The following ASAP1 variants were observed in gnomAD, a reference collection of about 807,000 sequenced individuals.
The protein encoded by ASAP1 is ArfGAP with SH3 domain, ankyrin repeat and PH domain 1.
ASAP1 carries 43 observed loss-of-function variants against 145.2 expected under a neutral mutation model. The observed-to-expected ratio is 0.30, with a 90% CI of 0.23 to 0.38. ASAP1 has a LOEUF of 0.38. Ranked by LOEUF, ASAP1 falls within the 10% of genes least tolerant of loss-of-function variation. The pLI, the probability that ASAP1 is intolerant of heterozygous loss-of-function variation, is 1.00. For synonymous variants in ASAP1, 546 were observed against 515.5 expected, an observed-to-expected ratio of 1.06 and a Z score of -0.80; for missense variants, 1,018 against 1,355.3, an observed-to-expected ratio of 0.75 and a Z score of 3.91.
chr8:130,415,710 C>A (rs1227219298), intron 1 of ASAP1, among the ~76,000 whole-genome samples: 1 of 151,816 alleles, frequency 6.6e-6, no homozygotes, highest in East Asian at 1.9e-4. Flanking sequence ...ATTGCTTGAA[C>A]CCAGGAGGCG....
At chr8:130,253,213 C>T (rs1271597122) in intron 3 of ASAP1, among the ~76,000 whole-genome samples, 1 of 152,184 alleles carries the variant, frequency 6.6e-6, no homozygotes, top group Non-Finnish European at 1.5e-5. Flanking sequence ...ATCCTAGCTC[C>T]ACTACTTACA....
At chr8:130,136,881 A>C in intron 14 of ASAP1, 70 bp downstream of exon 14, 2 of 1,315,550 alleles carry the variant, frequency 1.5e-6, no homozygotes, top group Non-Finnish European at 2.2e-6. Flanking sequence ...AAAGCTGCTG[A>C]CCTGGAGAAT....
chr8:130,345,465 G>C (rs1388534113), intron 3 of ASAP1, among the ~76,000 whole-genome samples: 1 of 152,164 alleles, frequency 6.6e-6, no homozygotes. Context: ...CTCTGTATGT[G>C]TGTTTGTTTC....
chr8:130,378,152 T>A (rs192513316), intron 2 of ASAP1, among the ~76,000 whole-genome samples: 1 of 152,356 alleles, frequency 6.6e-6, no homozygotes, highest in Admixed American at 6.5e-5. Flanking sequence ...CAGTTTGCAC[T>A]TTTGAAATAT....
chr8:130,251,025 T>C (rs1408419378), intron 3 of ASAP1, among the ~76,000 whole-genome samples: 1 of 152,188 alleles, frequency 6.6e-6, no homozygotes. Context: ...ATAAAGTAAA[T>C]AATTAAATAA....
intron 5 of ASAP1, chr8:130,195,265 G>C (rs1815402210): frequency 1.3e-5 from 2 of 151,726 alleles, no homozygotes; most frequent in Non-Finnish European, 2.9e-5. Context: ...ACGAGGAATG[G>C]TGGCTCATGC....
intron 5 of ASAP1, among the ~76,000 whole-genome samples, chr8:130,199,671 T>C (rs1815741766): frequency 1.3e-5 from 2 of 152,168 alleles, no homozygotes; most frequent in African/African-American, 4.8e-5. Context: ...TAAAAAGACC[T>C]CTAAGGTACC....
At chr8:130,179,501 A>C in intron 8 of ASAP1, 152 bp from the exon 9 acceptor site, 1 of 536,788 alleles carries the variant, frequency 1.9e-6, no homozygotes, top group Non-Finnish European at 3.4e-6. Context: ...TTTCGCAGTC[A>C]CAAAGTGTTC....
intron 4 of ASAP1, among the ~76,000 whole-genome samples, chr8:130,218,772 TA>T (rs1227776822): frequency 6.6e-6 from 1 of 152,082 alleles, no homozygotes; most frequent in Admixed American, 6.5e-5. Flanking sequence ...GGCAGAAGAC[TA>T]GATAAGTATA....
At chr8:130,376,903 CAAAAAAA>C (rs34006260) in intron 2 of ASAP1, among the ~76,000 whole-genome samples, 24 of 26,020 alleles carry the variant, frequency 9.2e-4, no homozygotes, top group South Asian at 2.1e-3. Context: ...AACTCCATCT[CAAAAAAA>C]AAAAAAAAAA....
chr8:130,141,534 T>C (rs1335835878), intron 13 of ASAP1, among the ~76,000 whole-genome samples: 2 of 152,138 alleles, frequency 1.3e-5, no homozygotes, highest in African/African-American at 4.8e-5. Context: ...CCTTATTTGC[T>C]TCCTGTCTTC....
rs138858386 is a variant in ASAP1 at position 130,278,378 on chromosome 8, G to GAA, written c.187-41386_187-41385dup. Among the ~76,000 whole-genome samples the GAA allele has an allele frequency of 3.0e-4, 44 of 145,534 alleles. 1 individual carries two copies. The highest frequency in any genetic ancestry group is 2.8e-3 in the Admixed American group (41 of 14,630). On this transcript the variant is annotated intron_variant, in intron 3 of 29. Coordinates refer to ENST00000518721, the MANE Select transcript of ASAP1 (RefSeq NM_018482.4). ...TAAGTCCACCACTCCTGTGCTAAATGAAAAAAAAAAGAAAAAGAAAATATG... is the reference window on the plus strand; with the variant it reads ...TAAGTCCACCACTCCTGTGCTAAATGAAAAAAAAAAAAGAAAAAGAAAATATG...
intron 24 of ASAP1, among the ~76,000 whole-genome samples, chr8:130,109,210 G>A (rs1041189790): frequency 2.0e-5 from 3 of 152,150 alleles, no homozygotes; most frequent in African/African-American, 7.2e-5. Flanking sequence ...CACATCTGAA[G>A]AGGGGTTAGG....
intron 11 of ASAP1, among the ~76,000 whole-genome samples, chr8:130,160,376 T>C (rs914898485): frequency 6.6e-6 from 1 of 152,240 alleles, no homozygotes; most frequent in Non-Finnish European, 1.5e-5. Context: ...TCCCTTAGGC[T>C]GTACCTTTCT....
chr8:130,284,880 C>CACACACA (rs57409791), intron 3 of ASAP1, among the ~76,000 whole-genome samples: 1 of 143,162 alleles, frequency 7.0e-6, no homozygotes, highest in South Asian at 2.4e-4. Flanking sequence ...CACACACACA[C>CACACACA]CATACTGAGA....
At chr8:130,384,815 T>C (rs1195871142) in intron 2 of ASAP1, among the ~76,000 whole-genome samples, 26 of 152,194 alleles carry the variant, frequency 1.7e-4, no homozygotes, top group Admixed American at 1.7e-3. Flanking sequence ...GTCCTGTAAT[T>C]TGTTCTTTCA....
intron 5 of ASAP1, among the ~76,000 whole-genome samples, chr8:130,207,680 A>G (rs1292341416): frequency 1.3e-5 from 2 of 152,204 alleles, no homozygotes; most frequent in Non-Finnish European, 1.5e-5. Context: ...AAACCCATGC[A>G]CTTGTAAGTA....
At chr8:130,246,524 A>C in intron 3 of ASAP1, among the ~76,000 whole-genome samples, 1 of 152,110 alleles carries the variant, frequency 6.6e-6, no homozygotes, top group East Asian at 1.9e-4. Flanking sequence ...GTTAAAAAGT[A>C]CGGTGCTTCC....
At chr8:130,158,629 CA>C (rs1356290932) in intron 12 of ASAP1, among the ~76,000 whole-genome samples, 1 of 152,022 alleles carries the variant, frequency 6.6e-6, no homozygotes, top group African/African-American at 2.4e-5. Flanking sequence ...GTGGCAGGAT[CA>C]GGGGAGAAAA....
Sources: gnomAD v4.1 joint callset for allele counts (sites outside exome capture counted in the v4.1 genomes callset) on GRCh38, gnomAD v4.1.1 for gene constraint, MANE v1.5 for transcripts, NCBI Gene and HGNC (gene_info 2026-07-23, HGNC 2026-07-21) for gene names.